Variants in UNC5C observed in about 807,000 individuals in gnomAD.
UNC5C encodes netrin receptor UNC5C.
UNC5C carries 47 observed loss-of-function variants against 99.8 expected under a neutral mutation model. That is an observed-to-expected ratio of 0.47 (90% CI 0.37 to 0.60). The LOEUF is 0.60. UNC5C is among the 20% of genes least tolerant of loss of function. The pLI is 0.00. For missense variants in UNC5C, 1,062 were observed against 1,165.9 expected, an observed-to-expected ratio of 0.91 and a Z score of 1.30; for synonymous variants, 487 against 452.2, an observed-to-expected ratio of 1.08 and a Z score of -0.98.
intron 1 of UNC5C, among the ~76,000 whole-genome samples, chr4:95,358,571 A>C (rs567716799): frequency 6.0e-4 from 92 of 152,164 alleles, no homozygotes; most frequent in Non-Finnish European, 1.2e-3. Context: ...AAAATTATTA[A>C]AACTTCAAGT....
chr4:95,304,746 G>T (rs1741994460), intron 2 of UNC5C, among the ~76,000 whole-genome samples: 1 of 152,124 alleles, frequency 6.6e-6, no homozygotes, highest in African/African-American at 2.4e-5. Context: ...TGTTTCCTTA[G>T]AACTATAATG....
chr4:95,314,111 G>A (rs114070483), intron 2 of UNC5C, among the ~76,000 whole-genome samples: 5,791 of 152,190 alleles, frequency 0.038, 156 homozygotes, highest in Non-Finnish European at 0.056. Context: ...TATCATTTGA[G>A]GTACTATAAA....
In UNC5C at chr4:95,220,083, A is replaced by G; in HGVS notation, c.1202T>C (p.Val401Ala). 6.2e-7 allele frequency: 1 copy of G among 1,614,146 alleles called. No homozygotes were observed. Among genetic ancestry groups the G allele is most frequent in the Non-Finnish European group, 8.5e-7 (1 of 1,180,018 alleles). The part of the protein sequence containing the change: ...LAISVVVALF[V>A]YRKNHRDFES... ...AAAGTCACGATGATTCTTCCGATACACAAACAAGGCCACAACTACAGAGAT... is the reference window on the plus strand; with the variant it reads ...AAAGTCACGATGATTCTTCCGATACGCAAACAAGGCCACAACTACAGAGAT... The change falls in exon 8 of 16, where the codon GTG becomes GCG. Residue 401 changes from valine (V) to alanine (A), a missense_variant. Physicochemically the swap from Val to Ala is moderately conservative, Grantham distance 64. Around this residue, in one of 3 missense-constraint regions of UNC5C, gnomAD observed 810 missense variants for 854.5 expected, o/e 0.95. Coordinates refer to ENST00000453304, the MANE Select transcript of UNC5C (RefSeq NM_003728.4).
chr4:95,524,335 AAG>A (rs1214324593), intron 1 of UNC5C, among the ~76,000 whole-genome samples: 1 of 152,174 alleles, frequency 6.6e-6, no homozygotes, highest in Admixed American at 6.5e-5. Context: ...TGAGGATTAA[AAG>A]AGATAAGACA....
chr4:95,334,872 C>T lies in UNC5C; in HGVS notation c.346+538G>A, dbSNP rs568775202. 9.9e-5 allele frequency among the ~76,000 whole-genome samples: 15 copies of T among 151,988 alleles called. No homozygotes were observed. The South Asian group carries it at 3.1e-3, about 32-fold the overall frequency. Reference sequence around the variant, plus strand: ...CACTATCACTGTTCTGAATCACCCTCAATTTAATTTTAGATAAGAGTTAGG... The same window carrying T: ...CACTATCACTGTTCTGAATCACCCTTAATTTAATTTTAGATAAGAGTTAGG... On this transcript the variant is annotated intron_variant, in intron 2 of 15. Coordinates refer to ENST00000453304, the MANE Select transcript of UNC5C (RefSeq NM_003728.4).
At chr4:95,414,519 A>G (rs964482529) in intron 1 of UNC5C, among the ~76,000 whole-genome samples, 1 of 152,230 alleles carries the variant, frequency 6.6e-6, no homozygotes, top group Non-Finnish European at 1.5e-5. Context: ...AAAGCAGAGT[A>G]TAAAGAAAAT....
At chr4:95,335,329 T>C in intron 2 of UNC5C, 81 bp downstream of exon 2, 2 of 1,275,454 alleles carry the variant, frequency 1.6e-6, no homozygotes, top group Non-Finnish European at 2.2e-6. Flanking sequence ...ATTCCACTAA[T>C]TGAAATAACA....
chr4:95,362,520 A>T (rs1433476179), intron 1 of UNC5C, among the ~76,000 whole-genome samples: 2 of 152,154 alleles, frequency 1.3e-5, no homozygotes, highest in African/African-American at 4.8e-5. Context: ...AATGGATTTG[A>T]CTGTGATGGA....
chr4:95,512,717 T>G (rs1001309214), intron 1 of UNC5C, among the ~76,000 whole-genome samples: 1 of 152,208 alleles, frequency 6.6e-6, no homozygotes, highest in Non-Finnish European at 1.5e-5. Flanking sequence ...TGTTAATAGC[T>G]GTGATAAATT....
chr4:95,177,651 G>A (rs991180912), intron 14 of UNC5C, among the ~76,000 whole-genome samples: 4 of 152,148 alleles, frequency 2.6e-5, no homozygotes, highest in Admixed American at 2.6e-4. Context: ...TGTTGGCTGT[G>A]ATCATGGTAT....
chr4:95,259,299 G>C (rs2149385806), intron 4 of UNC5C, among the ~76,000 whole-genome samples: 1 of 152,138 alleles, frequency 6.6e-6, no homozygotes, highest in South Asian at 2.1e-4. Context: ...CTACTGTCTG[G>C]CATACAGTTA....
chr4:95,285,108 T>G (rs2149397022), intron 3 of UNC5C, among the ~76,000 whole-genome samples: 1 of 152,364 alleles, frequency 6.6e-6, no homozygotes, highest in South Asian at 2.1e-4. Flanking sequence ...AATTTAAAAA[T>G]GATTTACATT....
intron 1 of UNC5C, among the ~76,000 whole-genome samples, chr4:95,465,237 A>T (rs1578178106): frequency 6.6e-6 from 1 of 152,048 alleles, no homozygotes; most frequent in Non-Finnish European, 1.5e-5. Context: ...TTTTGAAGAG[A>T]CTCCTAACAT....
chr4:95,429,817 A>G (rs183590030), intron 1 of UNC5C, among the ~76,000 whole-genome samples: 2 of 152,128 alleles, frequency 1.3e-5, no homozygotes, highest in African/African-American at 2.4e-5. Context: ...TAGGGGTAGC[A>G]TTGAAAAACT....
At chr4:95,338,685 G>A (rs538208093) in intron 1 of UNC5C, among the ~76,000 whole-genome samples, 2 of 152,102 alleles carry the variant, frequency 1.3e-5, no homozygotes, top group East Asian at 3.9e-4. Context: ...TTTTCCCTAA[G>A]TCTAGCACAT....
chr4:95,283,562 T>C (rs963338566), intron 3 of UNC5C, among the ~76,000 whole-genome samples: 3 of 152,234 alleles, frequency 2.0e-5, no homozygotes, highest in African/African-American at 7.2e-5. Flanking sequence ...GCATATCTTT[T>C]ATCATCTGGA....
intron 15 of UNC5C, 86 bp downstream of exon 15, chr4:95,170,068 A>T (rs1736026776): frequency 1.3e-6 from 2 of 1,505,878 alleles, no homozygotes; most frequent in Non-Finnish European, 1.8e-6. Context: ...TGGAAAAAAA[A>T]ATGAAGCTAA....
At chr4:95,545,273 C>G (rs546758420) in intron 1 of UNC5C, among the ~76,000 whole-genome samples, 1 of 152,156 alleles carries the variant, frequency 6.6e-6, no homozygotes, top group African/African-American at 2.4e-5. Context: ...TAATTCTTTG[C>G]AAGTGTTTGA....
intron 1 of UNC5C, among the ~76,000 whole-genome samples, chr4:95,452,543 G>A (rs1016881964): frequency 3.9e-5 from 6 of 152,210 alleles, no homozygotes; most frequent in Admixed American, 3.3e-4. Flanking sequence ...AAGATAATGT[G>A]ACGTGTTATC....
Sources: gnomAD v4.1 joint callset for allele counts (sites outside exome capture counted in the v4.1 genomes callset) on GRCh38, gnomAD v4.1.1 for gene constraint, gnomAD v4.1.1 regional missense constraint, MANE v1.5 for transcripts, NCBI Gene and HGNC (gene_info 2026-07-23, HGNC 2026-07-21) for gene names.